Variants in MEMO1 observed in about 807,000 individuals in gnomAD.
The protein encoded by MEMO1 is protein MEMO1.
MEMO1 carries 6 observed loss-of-function variants against 45.2 expected under a neutral mutation model. The ratio of observed to expected loss-of-function variants is 0.13; its 90% CI spans 0.07 to 0.26. The LOEUF (loss-of-function observed/expected upper bound fraction) is 0.26. Among genes scored for constraint, MEMO1 ranks in the 10% least tolerant of loss-of-function variants. The pLI, the probability that MEMO1 is intolerant of heterozygous loss-of-function variation, is 1.00. For synonymous variants in MEMO1, 78 were observed against 124.3 expected (o/e 0.63, Z 2.48); for missense variants, 184 against 370.5 (o/e 0.50, Z 4.13).
chr2:31,901,481 A>G lies in MEMO1; in HGVS notation c.438-9347T>C, dbSNP rs181102063. ...AAGTGAAAAATAGACTACATTTTGT[A>G]CAATTCCATTTATATGAAATTTCCA... is the stretch of plus-strand genomic sequence containing the variant. On this transcript the variant is annotated intron_variant, in intron 6 of 9. Coordinates refer to ENST00000404530, the MANE Select transcript of MEMO1 (RefSeq NM_001301833.4). Among the ~76,000 whole-genome samples, 14 of 152,164 alleles carry G rather than the reference A, an allele frequency of 9.2e-5. No individual in the cohort carries two copies. The East Asian group carries it at 2.7e-3, about 29-fold the overall frequency.
chr2:31,869,335 T>C (rs1277115242), intron 9 of MEMO1, among the ~76,000 whole-genome samples: 1 of 152,150 alleles, frequency 6.6e-6, no homozygotes, highest in South Asian at 2.1e-4. Context: ...ATGCTATTTC[T>C]TTTTCTAAAA....
intron 7 of MEMO1, among the ~76,000 whole-genome samples, chr2:31,885,941 A>T (rs1676128594): frequency 6.6e-6 from 1 of 152,244 alleles, no homozygotes; most frequent in Non-Finnish European, 1.5e-5. Context: ...CTATACTTTA[A>T]ATTGCTATCT....
intron 8 of MEMO1, among the ~76,000 whole-genome samples, chr2:31,871,328 C>G (rs1260747117): frequency 6.6e-6 from 1 of 151,888 alleles, no homozygotes; most frequent in East Asian, 1.9e-4. Flanking sequence ...TGTAAAAGCA[C>G]CAAGAGTAAT....
chr2:31,919,862 G>C (rs1682009924), intron 5 of MEMO1, among the ~76,000 whole-genome samples: 2 of 151,790 alleles, frequency 1.3e-5, no homozygotes, highest in Non-Finnish European at 2.9e-5. Flanking sequence ...CGGGGTGTGT[G>C]TGTGTGTGTT....
At chr2:31,892,203 G>C in intron 6 of MEMO1, 69 bp from the exon 7 acceptor site, 1 of 1,382,330 alleles carries the variant, frequency 7.2e-7, no homozygotes, top group Non-Finnish European at 1.0e-6. Flanking sequence ...AAATGTGTTG[G>C]CATTAGAAAG....
chr2:31,989,902 G>A (rs1038435541), intron 2 of MEMO1, among the ~76,000 whole-genome samples: 2 of 152,156 alleles, frequency 1.3e-5, no homozygotes, highest in African/African-American at 4.8e-5. Flanking sequence ...AAGATCACTT[G>A]TACCCAGGAG....
chr2:31,878,688 G>C (rs1377677814), intron 8 of MEMO1, among the ~76,000 whole-genome samples: 2 of 152,024 alleles, frequency 1.3e-5, no homozygotes, highest in Non-Finnish European at 2.9e-5. Flanking sequence ...ATAAAATTTA[G>C]TACAAACTTG....
At chr2:31,982,190 G>A (rs762622965) in intron 2 of MEMO1, among the ~76,000 whole-genome samples, 1 of 151,684 alleles carries the variant, frequency 6.6e-6, no homozygotes, top group Non-Finnish European at 1.5e-5. Flanking sequence ...CCAGCTACTC[G>A]GGAGGCTGAG....
In MEMO1 at chr2:32,010,251, G is replaced by C; in HGVS notation, c.-4C>G. 6.7e-7 allele frequency: 1 copy of C among 1,502,770 alleles called. No homozygotes were observed. Among genetic ancestry groups the C allele is most frequent in the Non-Finnish European group, 8.9e-7 (1 of 1,119,398 alleles). The allele number at this position is 1,502,770 out of a possible 1,614,324, so 93.1% of individuals were successfully genotyped here. Reference sequence around the variant, plus strand: ...GGCAGACCACTCGGTTGGACATCTTGGTGCCTGTGCCGCCTATGGTGCACG... The same window carrying C: ...GGCAGACCACTCGGTTGGACATCTTCGTGCCTGTGCCGCCTATGGTGCACG... On this transcript the variant is annotated 5_prime_UTR_variant, in exon 2 of 10. Coordinates refer to ENST00000404530, the MANE Select transcript of MEMO1 (RefSeq NM_001301833.4).
intron 6 of MEMO1, among the ~76,000 whole-genome samples, chr2:31,913,248 C>CAAAAAAAAA (rs3065389): frequency 2.3e-5 from 1 of 44,418 alleles, no homozygotes; most frequent in Non-Finnish European, 4.8e-5. Flanking sequence ...GACTCCGTCT[C>CAAAAAAAAA]AAAAAAAAAA....
chr2:32,006,593 A>G (rs1226515001), intron 2 of MEMO1, among the ~76,000 whole-genome samples: 1 of 147,868 alleles, frequency 6.8e-6, no homozygotes, highest in Non-Finnish European at 1.5e-5. Context: ...GACCTTACCA[A>G]AAAAAAAAAA....
At chr2:31,962,821 G>A (rs1279967405) in intron 2 of MEMO1, among the ~76,000 whole-genome samples, 1 of 152,192 alleles carries the variant, frequency 6.6e-6, no homozygotes, top group Non-Finnish European at 1.5e-5. Context: ...AGGGTGCCCA[G>A]ACATTTGGTC....
intron 3 of MEMO1, among the ~76,000 whole-genome samples, chr2:31,933,346 A>ATATATATAT (rs869211483): frequency 1.2e-4 from 3 of 25,506 alleles, no homozygotes; most frequent in African/African-American, 3.2e-4. Context: ...AAAAAAAAAA[A>ATATATATAT]AAATTTATAT....
At chr2:31,976,049 C>A (rs189439277) in intron 2 of MEMO1, among the ~76,000 whole-genome samples, 2 of 152,228 alleles carry the variant, frequency 1.3e-5, no homozygotes, top group Non-Finnish European at 2.9e-5. Context: ...CACCACCATA[C>A]CCAGCTAATT....
At chr2:31,872,586 T>C (rs1170485680) in intron 8 of MEMO1, among the ~76,000 whole-genome samples, 6 of 151,854 alleles carry the variant, frequency 4.0e-5, no homozygotes, top group Admixed American at 2.0e-4. Context: ...AAACCTAATA[T>C]AGAAAAACAG....
intron 8 of MEMO1, among the ~76,000 whole-genome samples, chr2:31,880,435 A>G (rs1044617059): frequency 6.6e-6 from 1 of 152,252 alleles, no homozygotes; most frequent in Non-Finnish European, 1.5e-5. Flanking sequence ...CTAAGTAACC[A>G]ACTTTACATT....
chr2:31,934,486 AG>A (rs1239442518), intron 3 of MEMO1, among the ~76,000 whole-genome samples: 5 of 151,914 alleles, frequency 3.3e-5, no homozygotes, highest in African/African-American at 1.2e-4. Flanking sequence ...AAAAAAAACA[AG>A]AAAAGAAAGA....
At chr2:31,976,311 CT>C (rs1669998187) in intron 2 of MEMO1, among the ~76,000 whole-genome samples, 1 of 152,170 alleles carries the variant, frequency 6.6e-6, no homozygotes, top group Non-Finnish European at 1.5e-5. Flanking sequence ...GGCATGGTGG[CT>C]CACACCTGTA....
intron 2 of MEMO1, among the ~76,000 whole-genome samples, chr2:32,009,727 T>C (rs1216264142): frequency 1.3e-5 from 2 of 152,038 alleles, no homozygotes; most frequent in Non-Finnish European, 2.9e-5. Context: ...GGTCCCTGGC[T>C]CGGCAAGAGG....
Sources: allele counts gnomAD v4.1 joint callset (sites outside exome capture counted in the v4.1 genomes callset), GRCh38; gene constraint gnomAD v4.1.1; transcripts MANE v1.5; gene names NCBI Gene and HGNC (gene_info 2026-07-23, HGNC 2026-07-21).